TMEM130: variants seen among roughly 807,000 people sequenced by gnomAD.
TMEM130 encodes transmembrane protein 130.
A neutral mutation model predicts 42.9 loss-of-function variants in TMEM130; 37 were observed. That is an observed-to-expected ratio of 0.86 (90% CI 0.66 to 1.13). The LOEUF (loss-of-function observed/expected upper bound fraction) is 1.13, where lower values mean the gene tolerates loss of function less well. Among genes scored for constraint, TMEM130 ranks in the 50% most tolerant of loss-of-function variants. The pLI, the probability that TMEM130 is intolerant of heterozygous loss-of-function variation, is 0.00. For missense variants in TMEM130, 545 were observed against 562.6 expected, an observed-to-expected ratio of 0.97 and a Z score of 0.32; for synonymous variants, 259 against 237.7, an observed-to-expected ratio of 1.09 and a Z score of -0.82.
chr7:98,851,727 C>T (rs1794511966), intron 5 of TMEM130, 104 bp from the exon 6 acceptor site: 7 of 1,059,194 alleles, frequency 6.6e-6, no homozygotes, highest in Admixed American at 2.6e-5. Flanking sequence ...AGTGTCCTTT[C>T]CAGGACAGGA....
chr7:98,850,269 A>ATTTTTTTTTTTTTTTTT (rs1244635646), intron 6 of TMEM130, among the ~76,000 whole-genome samples: 11 of 30,160 alleles, frequency 3.6e-4, no homozygotes, highest in East Asian at 8.6e-4. Flanking sequence ...ATATATATAT[A>ATTTTTTTTTTTTTTTTT]TATATTTTTT....
rs1554399622 is a variant in TMEM130 at position 98,860,322 on chromosome 7, G to A, written c.408C>T (p.Asp136=). The A allele has an allele frequency of 6.3e-7, 1 of 1,595,364 alleles. No homozygotes were observed. The highest frequency in any genetic ancestry group is 1.7e-4 in the Middle Eastern group (1 of 5,956). Reference sequence around the variant, plus strand: ...GGGAAGTGTTCTGGGTGACAACAAGGTCCCCCACGAGGAACTCTGGGAGAG... The same window carrying A: ...GGGAAGTGTTCTGGGTGACAACAAGATCCCCCACGAGGAACTCTGGGAGAG... ...VLPITEFLVG[D]LVVTQNTSLP... is the part of the protein sequence containing the mutation. Residue 136 remains aspartate, a synonymous_variant, in exon 3 of 8, where the codon GAC becomes GAT. Coordinates refer to ENST00000339375, the MANE Select transcript of TMEM130 (RefSeq NM_152913.3).
At chr7:98,851,741 C>A in intron 5 of TMEM130, 118 bp from the exon 6 acceptor site, 1 of 907,418 alleles carries the variant, frequency 1.1e-6, no homozygotes, top group Non-Finnish European at 1.6e-6. Flanking sequence ...GACAGGACAT[C>A]AAGCCGTCCT....
intron 3 of TMEM130, among the ~76,000 whole-genome samples, chr7:98,857,200 G>A (rs189172005): frequency 6.6e-4 from 101 of 152,280 alleles, no homozygotes; most frequent in African/African-American, 2.1e-3. Context: ...TGGAATGACA[G>A]GTGTGAGCCA....
intron 3 of TMEM130, among the ~76,000 whole-genome samples, chr7:98,857,470 T>G (rs1554399185): frequency 6.6e-6 from 1 of 151,930 alleles, no homozygotes; most frequent in African/African-American, 2.4e-5. Flanking sequence ...GAAGCCAAGG[T>G]GGGAGGACTG....
At position 98,855,902 on chromosome 7, in the gene TMEM130, G is replaced by T. The variant is rs369112907; in HGVS notation, c.718+115C>A. The T allele has an allele frequency of 3.6e-5, 44 of 1,230,696 alleles. 1 individual carries two copies. The African/African-American group carries it at 3.7e-4, about 10-fold the overall frequency. 76.2% of individuals were successfully genotyped at this position (1,230,696 alleles called of 1,614,324 possible). On this transcript the variant is annotated intron_variant, in intron 4 of 7. Transcript: ENST00000339375. Reference sequence around the variant, plus strand: ...GGTTAATGATAGACGCTCCTCAGAGGTCTGTGGGGCTCCAGAAGACAGGGC... The same window carrying T: ...GGTTAATGATAGACGCTCCTCAGAGTTCTGTGGGGCTCCAGAAGACAGGGC...
intron 5 of TMEM130, among the ~76,000 whole-genome samples, chr7:98,852,869 T>C (rs1794542857): frequency 6.6e-6 from 1 of 152,208 alleles, no homozygotes; most frequent in Non-Finnish European, 1.5e-5. Flanking sequence ...AGTGCTAGGA[T>C]TGCAGACATG....
At position 98,848,630 on chromosome 7, in the gene TMEM130, T is replaced by C. The variant is rs1554397753; in HGVS notation, c.1072A>G (p.Met358Val). Reference protein sequence around the residue: ...TLITVMLAFIMYMTLRNATQQ... With the variant: ...TLITVMLAFIVYMTLRNATQQ... Reference sequence around the variant, plus strand: ...GTGGCATTCCGCAGGGTCATGTACATGATGAAGGCCAACATCACAGTGATA... The same window carrying C: ...GTGGCATTCCGCAGGGTCATGTACACGATGAAGGCCAACATCACAGTGATA... The change falls in exon 7 of 8, where the codon ATG (methionine) becomes GTG (valine). Residue 358 changes from methionine to valine, a missense_variant. Met to Val is a conservative substitution (Grantham distance 21). Transcript: ENST00000339375. 1.2e-6 allele frequency: 2 copies of C among 1,614,102 alleles called. No individual in the cohort carries two copies. Among genetic ancestry groups the C allele is most frequent in the African/African-American group, 1.3e-5 (1 of 75,014 alleles).
At chr7:98,864,860 A>G (rs1440861593) in intron 1 of TMEM130, among the ~76,000 whole-genome samples, 4 of 152,186 alleles carry the variant, frequency 2.6e-5, no homozygotes, top group Non-Finnish European at 5.9e-5. Context: ...ACATCGAGCC[A>G]CTGCATTCCA....
Position 98,851,575 on chromosome 7 carries a change from C to T in TMEM130, c.852G>A (p.Leu284=). The change falls in exon 6 of 8, where the codon CTG becomes CTA. Residue 284 remains leucine (L), a synonymous_variant. Transcript: ENST00000339375. ...CWRLKPECLP[L]EEGECHPVSV... ...ACACAGGGTGGCACTCCCCTTCCTC[C>T]AGCGGGAGGCACTCAGGCTTGAGAC... is the stretch of plus-strand genomic sequence containing the variant. The T allele has an allele frequency of 1.2e-6, 2 of 1,613,888 alleles. No individual in the cohort carries two copies. Among genetic ancestry groups the T allele is most frequent in the Non-Finnish European group, 1.7e-6 (2 of 1,179,904 alleles).
chr7:98,860,482 AC>A, intron 2 of TMEM130, 144 bp from the exon 3 acceptor site: 5 of 805,950 alleles, frequency 6.2e-6, no homozygotes, highest in East Asian at 2.8e-5. Context: ...GAGAGGGGAC[AC>A]CCCCCTACAA....
chr7:98,848,633 T>C lies in TMEM130; in HGVS notation c.1069A>G (p.Ile357Val). Residue 357 changes from isoleucine to valine, a missense_variant, in exon 7 of 8, where the codon ATC becomes GTC. Coordinates refer to ENST00000339375, the MANE Select transcript of TMEM130 (RefSeq NM_152913.3). ...GCATTCCGCAGGGTCATGTACATGATGAAGGCCAACATCACAGTGATAAGT... is the reference window on the plus strand; with the variant it reads ...GCATTCCGCAGGGTCATGTACATGACGAAGGCCAACATCACAGTGATAAGT... ...ATLITVMLAFIMYMTLRNATQ... is the reference protein window; with the variant it reads ...ATLITVMLAFVMYMTLRNATQ... The C allele has an allele frequency of 1.9e-6, 3 of 1,614,130 alleles. No individual in the cohort carries two copies. Among genetic ancestry groups the C allele is most frequent in the Middle Eastern group, 3.3e-4 (2 of 6,062 alleles).
At chr7:98,850,024 G>A (rs537265358) in intron 6 of TMEM130, among the ~76,000 whole-genome samples, 5 of 151,902 alleles carry the variant, frequency 3.3e-5, no homozygotes, top group Admixed American at 2.6e-4. Context: ...AAGAAAGAAG[G>A]TTGGGCATCC....
chr7:98,850,868 T>G (rs565631858), intron 6 of TMEM130, among the ~76,000 whole-genome samples: 3 of 152,274 alleles, frequency 2.0e-5, no homozygotes, highest in South Asian at 4.1e-4. Context: ...GTGGCTCATT[T>G]GGCGCAAAAG....
intron 3 of TMEM130, 95 bp downstream of exon 3, chr7:98,860,084 A>AAG: frequency 1.7e-6 from 2 of 1,177,910 alleles, no homozygotes; most frequent in Non-Finnish European, 2.2e-6. Flanking sequence ...AAAAAAAAAA[A>AAG]TTAAAGGTGA....
At position 98,860,336 on chromosome 7, in the gene TMEM130, A is replaced by T; in HGVS notation, c.394T>A (p.Phe132Ile). The T allele has an allele frequency of 6.3e-7, 1 of 1,586,386 alleles. No individual in the cohort carries two copies. ...RGFVVLPITEFLVGDLVVTQN... is the reference protein window; with the variant it reads ...RGFVVLPITEILVGDLVVTQN... ...GTGACAACAAGGTCCCCCACGAGGAACTCTGGGAGAGAGAGAGACACGGGA... is the reference window on the plus strand; with the variant it reads ...GTGACAACAAGGTCCCCCACGAGGATCTCTGGGAGAGAGAGAGACACGGGA... The change falls in exon 3 of 8, where the codon TTC becomes ATC. Residue 132 changes from phenylalanine (F) to isoleucine (I), a missense_variant and splice_region_variant. By Grantham distance (21) the Phe-to-Ile change is conservative. Coordinates refer to ENST00000339375, the MANE Select transcript of TMEM130 (RefSeq NM_152913.3).
rs1584238578 is a variant in TMEM130 at position 98,856,842 on chromosome 7, T to C, written c.552-659A>G. 2.0e-5 allele frequency among the ~76,000 whole-genome samples: 3 copies of C among 152,200 alleles called. No individual in the cohort carries two copies. The South Asian group carries it at 6.2e-4, about 31-fold the overall frequency. On this transcript the variant is annotated intron_variant, in intron 3 of 7. Transcript: ENST00000339375. The stretch of plus-strand genomic sequence containing the variant: ...AAAGCTGCCATCCAGATTTTTCAAG[T>C]AAATGGTCTTTCCTGCAAATTGTCT...
intron 2 of TMEM130, among the ~76,000 whole-genome samples, chr7:98,862,314 G>GAGAC (rs1180651761): frequency 5.3e-5 from 8 of 151,426 alleles, no homozygotes; most frequent in South Asian, 2.1e-4. Flanking sequence ...CAAAGAGACA[G>GAGAC]AGAACAGAAA....
At chr7:98,860,121 C>A in intron 3 of TMEM130, 58 bp downstream of exon 3, 2 of 1,542,966 alleles carry the variant, frequency 1.3e-6, no homozygotes, top group South Asian at 1.2e-5. Flanking sequence ...CTGCACAGTG[C>A]GCGGGACAGT....
Sources: gnomAD v4.1 joint callset for allele counts (sites outside exome capture counted in the v4.1 genomes callset) on GRCh38, gnomAD v4.1.1 for gene constraint, MANE v1.5 for transcripts, NCBI Gene and HGNC (gene_info 2026-07-23, HGNC 2026-07-21) for gene names.